SEPTIN8: variants seen among roughly 807,000 people sequenced by gnomAD.
SEPTIN8 encodes the protein septin 8, also known as septin-8.
In SEPTIN8, 22 loss-of-function variants were observed where a neutral mutation model predicts 53.1. The observed-to-expected ratio is 0.41, with a 90% CI of 0.30 to 0.59. The LOEUF (loss-of-function observed/expected upper bound fraction) is 0.59, where lower values mean the gene tolerates loss of function less well. Ranked by LOEUF, SEPTIN8 falls within the 20% of genes least tolerant of loss-of-function variation. The pLI is 0.24. For missense variants in SEPTIN8, 536 were observed against 638.7 expected (o/e 0.84, Z 1.73); for synonymous variants, 228 against 248.4 (o/e 0.92, Z 0.77).
rs1757537580 is a variant in SEPTIN8, at chr5:132,773,759, T to G, written c.30+3349A>C. On this transcript the variant is annotated intron_variant, in intron 1 of 9. Coordinates refer to ENST00000378719, the MANE Select transcript of SEPTIN8 (RefSeq NM_001098811.2). This position sits in a 1 kb window ranked among gnomAD's most constrained non-coding sequence, Gnocchi z 4.2. ...TCCTCCTTGCCATCCTCTCTGTTCC[T>G]ATCATGGTCAGTCTTTTAGCATGTG... Among the ~76,000 whole-genome samples the G allele has an allele frequency of 6.6e-6, 1 of 152,218 alleles. No homozygotes were observed. The highest frequency in any genetic ancestry group is 1.5e-5 in the Non-Finnish European group (1 of 68,028).
At chr5:132,767,592 T>C (rs1171442683) in intron 1 of SEPTIN8, among the ~76,000 whole-genome samples, 1 of 152,112 alleles carries the variant, frequency 6.6e-6, no homozygotes, top group Non-Finnish European at 1.5e-5. Flanking sequence ...CTTCCTTCCC[T>C]CCCATTACTA....
At chr5:132,775,728 C>T (rs1757726177) in intron 1 of SEPTIN8, 1 of 152,358 alleles carries the variant, frequency 6.6e-6, no homozygotes, top group Admixed American at 6.5e-5. Context: ...GACACCCAGG[C>T]ACTCACGGGT....
At chr5:132,779,082 C>T (rs1757990873), upstream of SEPTIN8, among the ~76,000 whole-genome samples, 1 of 152,196 alleles carries the variant, frequency 6.6e-6, no homozygotes, top group Non-Finnish European at 1.5e-5. Flanking sequence ...GTACAGGTGA[C>T]TTCCTTCTTT....
At chr5:132,766,911 C>T (rs1218511746) in intron 1 of SEPTIN8, among the ~76,000 whole-genome samples, 1 of 152,116 alleles carries the variant, frequency 6.6e-6, no homozygotes, top group Non-Finnish European at 1.5e-5. Flanking sequence ...CCTTGGCACT[C>T]AAACCCAACC....
Position 132,751,125 on chromosome 5 carries a change from G to A in SEPTIN8, c.*891C>T, listed in dbSNP as rs708461. The stretch of plus-strand genomic sequence containing the variant: ...TGCACATGCACCACAGTGAGGTGAC[G>A]CACAAGGCTCATGACATACGGAAGA... On this transcript the variant is annotated 3_prime_UTR_variant, in exon 10 of 10. Transcript: ENST00000378719. 16 of 1,018,592 alleles carry A rather than the reference G, an allele frequency of 1.6e-5. No individual in the cohort carries two copies. Among genetic ancestry groups the A allele is most frequent in the Admixed American group, 5.0e-5 (2 of 39,922 alleles). The allele number at this position is 1,018,592 out of a possible 1,614,324, so 63.1% of individuals were successfully genotyped here.
rs183179070 is a variant in SEPTIN8, at chr5:132,769,479, G to A, written c.31-3950C>T. Among the ~76,000 whole-genome samples, 481 of 152,298 alleles carry A rather than the reference G, an allele frequency of 3.2e-3. 6 individuals carry two copies. Among genetic ancestry groups the A allele is most frequent in the Non-Finnish European group, 4.6e-3 (315 of 68,034 alleles). ...CTCAAATGCCTTTAGAAGCCAGGCA[G>A]GTAACATATATAGGTGAAGGGGAGC... On this transcript the variant is annotated intron_variant, in intron 1 of 9. Coordinates refer to ENST00000378719, the MANE Select transcript of SEPTIN8 (RefSeq NM_001098811.2).
intron 1 of SEPTIN8, among the ~76,000 whole-genome samples, chr5:132,766,214 G>T (rs1156416731): frequency 6.6e-6 from 1 of 152,196 alleles, no homozygotes; most frequent in Admixed American, 6.5e-5. Context: ...AGACTCTGAG[G>T]CCTCCTCCCT....
At position 132,762,658 on chromosome 5, in the gene SEPTIN8, G is replaced by A. The variant is rs762732052; in HGVS notation, c.535-13C>T. 6 of 1,614,068 alleles carry A rather than the reference G, an allele frequency of 3.7e-6. No individual in the cohort carries two copies. The highest frequency in any genetic ancestry group is 2.2e-5 in the East Asian group (1 of 44,890). ...GAATAATGTTCACCTGCCAGGATCA[G>A]GGGAGGGGACAGCAGGCTGGTTGGC... On this transcript the variant is annotated splice_polypyrimidine_tract_variant and intron_variant, in intron 4 of 9. Coordinates refer to ENST00000378719, the MANE Select transcript of SEPTIN8 (RefSeq NM_001098811.2).
In SEPTIN8 at chr5:132,761,792, A is replaced by T. The variant is rs1282158517; in HGVS notation, c.793+8T>A. On this transcript the variant is annotated splice_region_variant and intron_variant, in intron 6 of 9. Coordinates refer to ENST00000378719, the MANE Select transcript of SEPTIN8 (RefSeq NM_001098811.2). The surrounding 1 kb of genome is among the most constrained non-coding windows in gnomAD (Gnocchi z 5.8). ...TACCCCCAGGATGCATTTCCTGTCC[A>T]CACTCACCCTGCACCACTCCCCAGG... The T allele has an allele frequency of 8.1e-6, 13 of 1,605,622 alleles. No individual in the cohort carries two copies. The highest frequency in any genetic ancestry group is 1.1e-5 in the Non-Finnish European group (13 of 1,175,928).
chr5:132,777,279 G>T (rs1289799974), upstream of SEPTIN8: 1 of 1,108,722 alleles, frequency 9.0e-7, no homozygotes, highest in Non-Finnish European at 1.1e-6. This position sits in a 1 kb window ranked among gnomAD's most constrained non-coding sequence, Gnocchi z 4.1. Flanking sequence ...CCCCTTGGCG[G>T]CGGCGGCGGG....
In SEPTIN8 at chr5:132,760,091, C is replaced by T. The variant is rs988099299; in HGVS notation, c.1286+711G>A. On this transcript the variant is annotated intron_variant, in intron 9 of 9. Coordinates refer to ENST00000378719, the MANE Select transcript of SEPTIN8 (RefSeq NM_001098811.2). This position sits in a 1 kb window ranked among gnomAD's most constrained non-coding sequence, Gnocchi z 5.2. ...AACCCACAGAGCCCCTGTGGGAAGC[C>T]GCTTTCCTCCCTTAAGCCCTGCGGG... is the stretch of plus-strand genomic sequence containing the variant. Among the ~76,000 whole-genome samples the T allele has an allele frequency of 5.9e-5, 9 of 152,058 alleles. No homozygotes were observed. The highest frequency in any genetic ancestry group is 1.2e-4 in the Non-Finnish European group (8 of 68,018).
intron 9 of SEPTIN8, chr5:132,752,865 G>A (rs775192460): frequency 6.2e-6 from 10 of 1,613,076 alleles, no homozygotes; most frequent in Non-Finnish European, 8.5e-6. Flanking sequence ...TTCTAATACA[G>A]GTTGGTGATA....
rs375877686 is a variant in SEPTIN8 at position 132,764,229 on chromosome 5, A to C, written c.342T>G (p.Asp114Glu). 4 of 1,611,710 alleles carry C rather than the reference A, an allele frequency of 2.5e-6. No homozygotes were observed. Among genetic ancestry groups the C allele is most frequent in the South Asian group, 1.1e-5 (1 of 90,818 alleles). Residue 114 changes from aspartate (D) to glutamate (E), a missense_variant, in exon 3 of 10, where the codon GAT becomes GAG. Asp to Glu is a conservative substitution (Grantham distance 45). Transcript: ENST00000378719. ...CCGCCCTTCCCGCCTCTTGCCTCTC[A>C]TCCTTATTGATCTGATCCCCAAAGC... ...AVGFGDQINKDESYRPIVDYI... is the reference protein window; with the variant it reads ...AVGFGDQINKEESYRPIVDYI...
chr5:132,774,264 T>C (rs758009896), intron 1 of SEPTIN8: 7 of 166,370 alleles, frequency 4.2e-5, no homozygotes, highest in Admixed American at 6.5e-5. Flanking sequence ...AGAACGCCAG[T>C]GTGAGGCTGT....
At chr5:132,778,986 A>G (rs1581212464), upstream of SEPTIN8, among the ~76,000 whole-genome samples, 1 of 152,164 alleles carries the variant, frequency 6.6e-6, no homozygotes, top group East Asian at 1.9e-4. Flanking sequence ...TATCTTCAAA[A>G]TGGTCTTTTA....
At chr5:132,757,393 A>G (rs768076740) in intron 9 of SEPTIN8, 6 of 985,500 alleles carry the variant, frequency 6.1e-6, no homozygotes, top group Non-Finnish European at 7.2e-6. Flanking sequence ...GCAGAACATC[A>G]TCTCAGGAAG....
Position 132,760,782 on chromosome 5 carries a change from A to G in SEPTIN8, c.1286+20T>C, listed in dbSNP as rs751514631. 6.2e-7 allele frequency: 1 copy of G among 1,608,812 alleles called. No homozygotes were observed. The highest frequency in any genetic ancestry group is 1.7e-5 in the Admixed American group (1 of 59,084). On this transcript the variant is annotated intron_variant, in intron 9 of 9. Transcript: ENST00000378719. This position sits in a 1 kb window ranked among gnomAD's most constrained non-coding sequence, Gnocchi z 5.2. Reference sequence around the variant, plus strand: ...CCACAGGAGCAAGAGGAGCCAGCGCAGGCGCAGCCTGCCACCTACTTCTTC... The same window carrying G: ...CCACAGGAGCAAGAGGAGCCAGCGCGGGCGCAGCCTGCCACCTACTTCTTC...
At chr5:132,762,349 A>G in intron 5 of SEPTIN8, 135 bp downstream of exon 5, 1 of 849,476 alleles carries the variant, frequency 1.2e-6, no homozygotes, top group Non-Finnish European at 1.8e-6. Flanking sequence ...GGCCAGCTCC[A>G]GATGCCCACC....
At chr5:132,758,614 T>C in intron 9 of SEPTIN8, 1 of 1,600,566 alleles carries the variant, frequency 6.2e-7, no homozygotes, top group Non-Finnish European at 8.5e-7. Flanking sequence ...TTTACGTGTT[T>C]GCATAGAGAG....
Sources: gnomAD v4.1 joint callset for allele counts (sites outside exome capture counted in the v4.1 genomes callset) on GRCh38, gnomAD v4.1.1 for gene constraint, Gnocchi (gnomAD v3.1) non-coding constraint, MANE v1.5 for transcripts, NCBI Gene and HGNC (gene_info 2026-07-23, HGNC 2026-07-21) for gene names.